CSMD1: variants seen among roughly 807,000 people sequenced by gnomAD.
CSMD1 encodes CUB and sushi domain-containing protein 1.
In CSMD1, 213 loss-of-function variants were observed where a neutral mutation model predicts 417.5. That is an observed-to-expected ratio of 0.51 (90% CI 0.46 to 0.57). The LOEUF is 0.57. Ranked by LOEUF, CSMD1 falls within the 20% of genes least tolerant of loss-of-function variation. The pLI, the probability that CSMD1 is intolerant of heterozygous loss-of-function variation, is 0.00. For synonymous variants in CSMD1, 2,862 were observed against 1,736.8 expected (o/e 1.65, Z -16.11); for missense variants, 6,923 against 4,529.7 (o/e 1.53, Z -15.17).
intron 3 of CSMD1, among the ~76,000 whole-genome samples, chr8:4,377,580 C>G (rs1455585715): frequency 6.6e-6 from 1 of 152,082 alleles, no homozygotes; most frequent in Non-Finnish European, 1.5e-5. Flanking sequence ...TGCGAAGAAG[C>G]CAAGTAAATT....
At chr8:3,532,854 G>A (rs975729185) in intron 10 of CSMD1, among the ~76,000 whole-genome samples, 2 of 152,030 alleles carry the variant, frequency 1.3e-5, no homozygotes, top group African/African-American at 4.8e-5. Context: ...ATGACCTACA[G>A]AAAATATAAT....
At chr8:4,320,763 G>A (rs1274139917) in intron 3 of CSMD1, among the ~76,000 whole-genome samples, 2 of 152,046 alleles carry the variant, frequency 1.3e-5, no homozygotes, top group African/African-American at 2.4e-5. Context: ...ATCATTGACG[G>A]GCATTTGGAT....
intron 1 of CSMD1, among the ~76,000 whole-genome samples, chr8:4,851,681 G>C (rs758096400): frequency 9.2e-5 from 14 of 152,170 alleles, no homozygotes; most frequent in Middle Eastern, 6.8e-3. Flanking sequence ...TCCTCACTAA[G>C]AGTCCCATTG....
chr8:3,413,907 G>C (rs1363436763), intron 12 of CSMD1, among the ~76,000 whole-genome samples: 2 of 151,976 alleles, frequency 1.3e-5, no homozygotes, highest in Non-Finnish European at 2.9e-5. Context: ...GGAAGGCCGA[G>C]GTGGGATGAT....
At chr8:4,971,083 T>C (rs1431662390) in intron 1 of CSMD1, among the ~76,000 whole-genome samples, 1 of 152,068 alleles carries the variant, frequency 6.6e-6, no homozygotes, top group East Asian at 1.9e-4. Context: ...GTGACTTTTT[T>C]TGGATCTCAT....
intron 2 of CSMD1, among the ~76,000 whole-genome samples, chr8:4,483,459 T>C (rs1801211316): frequency 6.6e-6 from 1 of 152,210 alleles, no homozygotes; most frequent in Admixed American, 6.5e-5. Context: ...CCCAATGCTT[T>C]AATATAACAG....
At chr8:3,012,874 A>C (rs1201264145) in intron 52 of CSMD1, among the ~76,000 whole-genome samples, 7 of 152,182 alleles carry the variant, frequency 4.6e-5, no homozygotes, top group East Asian at 1.9e-4. Context: ...TCAAGGATGG[A>C]GACAGGAAGA....
chr8:3,531,203 C>G (rs1311051628), intron 10 of CSMD1, among the ~76,000 whole-genome samples: 2 of 152,092 alleles, frequency 1.3e-5, no homozygotes, highest in Non-Finnish European at 1.5e-5. Flanking sequence ...GGAGATTCAC[C>G]TAATTTAAAA....
chr8:4,639,245 T>C (rs1160151566), intron 1 of CSMD1, among the ~76,000 whole-genome samples: 1 of 127,182 alleles, frequency 7.9e-6, no homozygotes, highest in Non-Finnish European at 1.6e-5. Context: ...GTCCCTGTGG[T>C]TGTCAATTTT....
rs114481128 is a variant in CSMD1 at position 4,912,293 on chromosome 8, G to A, written c.85+82039C>T. ...AGGCAGTAGATTGTACTAAAATGAC[G>A]TGGACAGAAACAGAATCTAATAAAA... is the stretch of plus-strand genomic sequence containing the variant. On this transcript the variant is annotated intron_variant, in intron 1 of 69. Transcript: ENST00000635120. Among the ~76,000 whole-genome samples, 977 of 152,060 alleles carry A rather than the reference G, an allele frequency of 6.4e-3. 7 individuals carry two copies. Among genetic ancestry groups the A allele is most frequent in the African/African-American group, 0.022 (932 of 41,508 alleles).
chr8:3,728,380 A>G (rs1407900830), intron 6 of CSMD1, among the ~76,000 whole-genome samples: 1 of 152,216 alleles, frequency 6.6e-6, no homozygotes, highest in Non-Finnish European at 1.5e-5. Context: ...TCAATTACCC[A>G]GTATTGGGTA....
At chr8:3,206,716 A>C (rs1023534673) in intron 30 of CSMD1, among the ~76,000 whole-genome samples, 1 of 143,812 alleles carries the variant, frequency 7.0e-6, no homozygotes, top group Non-Finnish European at 1.5e-5. Flanking sequence ...GTCTGTGTGA[A>C]TGTGTGGGTA....
intron 3 of CSMD1, among the ~76,000 whole-genome samples, chr8:4,375,608 C>T (rs1253475462): frequency 6.6e-6 from 1 of 152,098 alleles, no homozygotes; most frequent in Non-Finnish European, 1.5e-5. Context: ...GGCTCACTGG[C>T]TAACAGCCAC....
chr8:3,430,281 G>C (rs1278435654), intron 12 of CSMD1, among the ~76,000 whole-genome samples: 2 of 151,970 alleles, frequency 1.3e-5, no homozygotes, highest in Non-Finnish European at 2.9e-5. Context: ...ATACTTACAG[G>C]TGACATTTAA....
chr8:3,440,040 G>A (rs911449393), intron 12 of CSMD1, among the ~76,000 whole-genome samples: 1 of 152,042 alleles, frequency 6.6e-6, no homozygotes, highest in Non-Finnish European at 1.5e-5. Flanking sequence ...AACACCACAT[G>A]GTCTTGATTA....
intron 2 of CSMD1, among the ~76,000 whole-genome samples, chr8:4,528,155 C>G (rs960478116): frequency 4.6e-5 from 7 of 152,178 alleles, no homozygotes; most frequent in Non-Finnish European, 7.3e-5. Flanking sequence ...AAATACTTCT[C>G]AATGTCCTTG....
chr8:3,170,979 T>C (rs576156470), intron 37 of CSMD1, among the ~76,000 whole-genome samples: 36 of 152,350 alleles, frequency 2.4e-4, no homozygotes, highest in Middle Eastern at 3.4e-3. Flanking sequence ...GAAGGATTTT[T>C]AGCCGGATAT....
chr8:4,057,076 G>T (rs1369591075), intron 3 of CSMD1, among the ~76,000 whole-genome samples: 2 of 152,144 alleles, frequency 1.3e-5, no homozygotes, highest in Admixed American at 6.5e-5. Flanking sequence ...GGGTCAAATG[G>T]TATTTGTAGT....
chr8:3,734,151 T>C (rs1420117447), intron 6 of CSMD1, among the ~76,000 whole-genome samples: 3 of 152,228 alleles, frequency 2.0e-5, no homozygotes, highest in Non-Finnish European at 2.9e-5. Context: ...TTAAGGATAC[T>C]ACCATTACCA....
Sources: gnomAD v4.1 joint callset for allele counts (sites outside exome capture counted in the v4.1 genomes callset) on GRCh38, gnomAD v4.1.1 for gene constraint, MANE v1.5 for transcripts, NCBI Gene and HGNC (gene_info 2026-07-23, HGNC 2026-07-21) for gene names.